OGA: variants seen among roughly 807,000 people sequenced by gnomAD.
OGA encodes the protein protein O-GlcNAcase.
Under a neutral mutation model 102.0 loss-of-function variants are expected in OGA, and 21 were observed. The observed-to-expected ratio is 0.21, with a 90% confidence interval of 0.15 to 0.30. The LOEUF is 0.30. OGA is among the 10% of genes least tolerant of loss of function. The pLI, the probability that OGA is intolerant of heterozygous loss-of-function variation, is 1.00. For synonymous variants in OGA, 408 were observed against 378.2 expected (o/e 1.08, Z -0.91); for missense variants, 765 against 1,107.8 (o/e 0.69, Z 4.39).
At position 101,787,459 on chromosome 10, in the gene OGA, G is replaced by A; in HGVS notation, c.2519C>T (p.Pro840Leu). ...VLPETFLANF[P>L]SLIKMDIHKK... ...GTGAATGTCCATCTTTATCAGAGAA[G>A]GGAAATTAGCAAGGAAAGTTTCTGG... The change falls in exon 15 of 16, where the codon CCT (proline) becomes CTT (leucine). Residue 840 changes from proline to leucine, a missense_variant. This residue lies in a region of OGA where 146 missense variants were observed against 269.7 expected (regional missense o/e 0.54). Transcript: ENST00000361464. 6.2e-7 allele frequency: 1 copy of A among 1,613,760 alleles called. No homozygotes were observed. The highest frequency in any genetic ancestry group is 8.5e-7 in the Non-Finnish European group (1 of 1,179,682).
In OGA at chr10:101,786,325, T is replaced by A; in HGVS notation, c.*126A>T. On this transcript the variant is annotated 3_prime_UTR_variant, in exon 16 of 16. Transcript: ENST00000361464. ...TGTGATGGGTGAGTTTTACATAGTCTTCTTTGTTTCGAATCCAATTGGCTG... is the reference window on the plus strand; with the variant it reads ...TGTGATGGGTGAGTTTTACATAGTCATCTTTGTTTCGAATCCAATTGGCTG... 1 of 1,019,766 alleles carries A rather than the reference T, an allele frequency of 9.8e-7. No individual in the cohort carries two copies. Among genetic ancestry groups the A allele is most frequent in the Non-Finnish European group, 1.4e-6 (1 of 740,418 alleles). The allele number at this position is 1,019,766 out of a possible 1,614,324, so 63.2% of individuals were successfully genotyped here.
Position 101,798,988 on chromosome 10 carries a change from G to A in OGA, c.1663C>T (p.Leu555=). ...TCAGCAAGTAACTGCAAATCCTCCA[G>A]GGTCACTGGTTCCGCAGTGTACAAA... ...KPLYTAEPVT[L]EDLQLLADLF... Residue 555 remains leucine, a synonymous_variant, in exon 9 of 16, where the codon CTG becomes TTG. Coordinates refer to ENST00000361464, the MANE Select transcript of OGA (RefSeq NM_012215.5). 6.2e-7 allele frequency: 1 copy of A among 1,614,178 alleles called. No homozygotes were observed. The highest frequency in any genetic ancestry group is 1.1e-5 in the South Asian group (1 of 91,074).
At chr10:101,789,227 G>C (rs777253373) in intron 14 of OGA, among the ~76,000 whole-genome samples, 6 of 152,128 alleles carry the variant, frequency 3.9e-5, no homozygotes, top group Non-Finnish European at 7.4e-5. Flanking sequence ...GGCCAGGCGC[G>C]GTGGCTCACG....
At chr10:101,794,113 G>T in intron 10 of OGA, 115 bp from the exon 11 acceptor site, 3 of 671,922 alleles carry the variant, frequency 4.5e-6, no homozygotes, top group African/African-American at 1.8e-5. Context: ...CAATAATCAG[G>T]GTTTCAGGGC....
Position 101,818,263 on chromosome 10 carries a change from G to A in OGA, c.-241C>T, listed in dbSNP as rs1237903542. The A allele has an allele frequency of 4.6e-6, 6 of 1,310,356 alleles. No individual in the cohort carries two copies. The highest frequency in any genetic ancestry group is 5.8e-6 in the Non-Finnish European group (6 of 1,030,866). The allele number at this position is 1,310,356 out of a possible 1,614,324, so 81.2% of individuals were successfully genotyped here. On this transcript the variant is annotated 5_prime_UTR_variant, in exon 1 of 16. Coordinates refer to ENST00000361464, the MANE Select transcript of OGA (RefSeq NM_012215.5). ...GCCTCGGCTTTAAGCTGGGGCGCCA[G>A]AAGCCTAAGCGGAGAGCGAGGCTGT...
rs1205218880 is a variant in OGA, at chr10:101,799,325, T to G, written c.1326A>C (p.Ala442=). ...GAGTAGTAGGCTCACCACTCAAGGC[T>G]GCTCCCTGGCTCATAATGGGCTCCT... is the stretch of plus-strand genomic sequence containing the variant. The part of the protein sequence containing the change: ...VYQEPIMSQG[A]ALSGEPTTLT... The change falls in exon 9 of 16, where the codon GCA becomes GCC. Residue 442 remains alanine, a synonymous_variant. Coordinates refer to ENST00000361464, the MANE Select transcript of OGA (RefSeq NM_012215.5). 1 of 1,614,218 alleles carries G rather than the reference T, an allele frequency of 6.2e-7. No individual in the cohort carries two copies. Among genetic ancestry groups the G allele is most frequent in the South Asian group, 1.1e-5 (1 of 91,088 alleles).
chr10:101,789,237 G>A (rs914744393), intron 14 of OGA, among the ~76,000 whole-genome samples: 9 of 152,214 alleles, frequency 5.9e-5, no homozygotes, highest in South Asian at 2.1e-4. Flanking sequence ...GGTGGCTCAC[G>A]CCTATAATCC....
chr10:101,813,698 C>G, intron 1 of OGA, 92 bp from the exon 2 acceptor site: 2 of 683,974 alleles, frequency 2.9e-6, no homozygotes, highest in Non-Finnish European at 4.9e-6. Flanking sequence ...TAATACAATC[C>G]TATTTTGTAA....
chr10:101,813,097 C>T lies in OGA; in HGVS notation c.282G>A (p.Leu94=). ...GTTTGTAGTCATCTTTTGGGGCATA[C>T]AAGTATGTATTTAATTCCCATTTCT... ...RLQKWELNTY[L]YAPKDDYKHR... is the part of the protein sequence containing the mutation. The change falls in exon 3 of 16, where the codon TTG becomes TTA. Residue 94 remains leucine, a synonymous_variant. Transcript: ENST00000361464. 1.2e-6 allele frequency: 2 copies of T among 1,612,714 alleles called. No individual in the cohort carries two copies. The highest frequency in any genetic ancestry group is 2.2e-5 in the East Asian group (1 of 44,822).
rs1402763439 is a variant in OGA at position 101,805,762 on chromosome 10, T to C, written c.751+283A>G. Reference sequence around the variant, plus strand: ...CGAGGTCAGGAGATCGAGACCATCCTGGCTAACATGGTGAAACCCTGTCTC... The same window carrying C: ...CGAGGTCAGGAGATCGAGACCATCCCGGCTAACATGGTGAAACCCTGTCTC... On this transcript the variant is annotated intron_variant, in intron 6 of 15. Coordinates refer to ENST00000361464, the MANE Select transcript of OGA (RefSeq NM_012215.5). Among the ~76,000 whole-genome samples, 12 of 151,272 alleles carry C rather than the reference T, an allele frequency of 7.9e-5. No individual in the cohort carries two copies. In the East Asian group the frequency reaches 1.8e-3, roughly 22 times the overall value.
At chr10:101,796,882 G>A (rs528446610) in intron 10 of OGA, among the ~76,000 whole-genome samples, 6 of 151,860 alleles carry the variant, frequency 4.0e-5, no homozygotes, top group African/African-American at 9.7e-5. Context: ...GAGCAACCGC[G>A]CCCGAAGCTA....
At chr10:101,806,456 T>C (rs1229309161) in intron 5 of OGA, among the ~76,000 whole-genome samples, 1 of 152,238 alleles carries the variant, frequency 6.6e-6, no homozygotes, top group Non-Finnish European at 1.5e-5. Flanking sequence ...TCCGCCCGCC[T>C]TGGCCTCCCA....
At chr10:101,792,144 G>C (rs993590084) in intron 12 of OGA, among the ~76,000 whole-genome samples, 1 of 151,952 alleles carries the variant, frequency 6.6e-6, no homozygotes, top group Non-Finnish European at 1.5e-5. Flanking sequence ...TCAGCCTCCC[G>C]AGTAGCTGGG....
At chr10:101,812,809 G>A in intron 3 of OGA, 3 of 615,352 alleles carry the variant, frequency 4.9e-6, no homozygotes, top group South Asian at 1.5e-5. Flanking sequence ...AGAACAGATG[G>A]AGTCAGCCTA....
rs2065359718 is a variant in OGA, at chr10:101,799,330, C to T, written c.1321G>A (p.Gly441Arg). ...TVYQEPIMSQ[G>R]AALSGEPTTL... is the part of the protein sequence containing the mutation. ...GTAGGCTCACCACTCAAGGCTGCTCCCTGGCTCATAATGGGCTCCTGATAA... is the reference window on the plus strand; with the variant it reads ...GTAGGCTCACCACTCAAGGCTGCTCTCTGGCTCATAATGGGCTCCTGATAA... Residue 441 changes from glycine (G) to arginine (R), a missense_variant, in exon 9 of 16, where the codon GGA becomes AGA. Transcript: ENST00000361464. 6 of 1,614,148 alleles carry T rather than the reference C, an allele frequency of 3.7e-6. No homozygotes were observed. Among genetic ancestry groups the T allele is most frequent in the Non-Finnish European group, 5.1e-6 (6 of 1,180,030 alleles).
At chr10:101,792,818 G>T in intron 12 of OGA, 21 bp downstream of exon 12, 1 of 1,512,918 alleles carries the variant, frequency 6.6e-7, no homozygotes, top group Non-Finnish European at 9.2e-7. Context: ...ACACCAAGTT[G>T]GTAGGTAGAG....
At chr10:101,806,940 G>A (rs927909408) in intron 5 of OGA, among the ~76,000 whole-genome samples, 1 of 152,082 alleles carries the variant, frequency 6.6e-6, no homozygotes, top group African/African-American at 2.4e-5. Flanking sequence ...CAGTTTTATA[G>A]CCCGGTCTCT....
At chr10:101,802,919 A>AC (rs1335630422) in intron 7 of OGA, among the ~76,000 whole-genome samples, 4 of 148,072 alleles carry the variant, frequency 2.7e-5, no homozygotes, top group African/African-American at 7.5e-5. Context: ...CAGGTGGATC[A>AC]CCTAAGGTCA....
chr10:101,795,672 A>G (rs1461939257), intron 10 of OGA, among the ~76,000 whole-genome samples: 1 of 152,246 alleles, frequency 6.6e-6, no homozygotes, highest in Admixed American at 6.5e-5. Context: ...TTGTAAAGCT[A>G]TGTGGATATG....
Sources: gnomAD v4.1 joint callset for allele counts (sites outside exome capture counted in the v4.1 genomes callset) on GRCh38, gnomAD v4.1.1 for gene constraint, gnomAD v4.1.1 regional missense constraint, MANE v1.5 for transcripts, NCBI Gene and HGNC (gene_info 2026-07-23, HGNC 2026-07-21) for gene names.